The following AANAT variants were observed in gnomAD, a reference collection of about 807,000 sequenced individuals.
The protein encoded by AANAT is aralkylamine N-acetyltransferase.
Under a neutral mutation model 15.6 loss-of-function variants are expected in AANAT, and 11 were observed. The ratio of observed to expected loss-of-function variants is 0.71; its 90% CI spans 0.44 to 1.17. AANAT has a LOEUF of 1.17. AANAT is among the 50% of genes most tolerant of loss of function. The pLI is 0.00. For synonymous variants in AANAT, 139 were observed against 131.5 expected (o/e 1.06, Z -0.39); for missense variants, 286 against 296.3 (o/e 0.97, Z 0.26).
upstream of AANAT, among the ~76,000 whole-genome samples, chr17:76,465,353 T>TA (rs1360921106): frequency 1.3e-5 from 2 of 151,218 alleles, no homozygotes; most frequent in African/African-American, 4.9e-5. Flanking sequence ...GATTTTTTTT[T>TA]TTTTTTTTGA....
intron 1 of AANAT, 175 bp from the exon 2 acceptor site, chr17:76,468,497 A>G: frequency 1.6e-6 from 1 of 615,418 alleles, no homozygotes; most frequent in Non-Finnish European, 2.8e-6. Flanking sequence ...AGACAGTGCC[A>G]ATGTTTGCAA....
rs769698164 is a variant in AANAT, at chr17:76,456,825, TAG to T, written c.-575-2417_-575-2416del. 2.0e-5 allele frequency among the ~76,000 whole-genome samples: 3 copies of T among 152,342 alleles called. No individual in the cohort carries two copies. In the South Asian group the frequency reaches 6.2e-4, roughly 32 times the overall value. On this transcript the variant is annotated intron_variant, in intron 1 of 6. Transcript: ENST00000250615. ...TTGTCTGTTATCACAATCTTGGATA[TAG>T]AGAGTTTTTAACCTCATTTTACCAA...
At chr17:76,456,730 G>C (rs1456782474) in intron 1 of AANAT, among the ~76,000 whole-genome samples, 1 of 152,170 alleles carries the variant, frequency 6.6e-6, no homozygotes, top group Non-Finnish European at 1.5e-5. Flanking sequence ...CTTGCCCCCT[G>C]ATAACATAGC....
chr17:76,463,530 A>T (rs2073409103), upstream of AANAT, among the ~76,000 whole-genome samples: 1 of 148,278 alleles, frequency 6.7e-6, no homozygotes, highest in Non-Finnish European at 1.5e-5. Context: ...CTGCTATTGA[A>T]CTCCTGACCT....
chr17:76,455,466 A>C (rs962207600), intron 1 of AANAT, among the ~76,000 whole-genome samples: 1 of 152,104 alleles, frequency 6.6e-6, no homozygotes, highest in Non-Finnish European at 1.5e-5. Flanking sequence ...AAAAAAACTA[A>C]CTCTAATTTA....
intron 2 of AANAT, 59 bp downstream of exon 2, chr17:76,468,968 G>A (rs915744738): frequency 2.6e-5 from 40 of 1,560,832 alleles, no homozygotes; most frequent in Non-Finnish European, 3.3e-5. Flanking sequence ...TATCCTGTGG[G>A]GAGGAGACCC....
rs1171554105 is a variant in AANAT at position 76,460,129 on chromosome 17, AATT to A, written c.-456+764_-456+766del. Among the ~76,000 whole-genome samples the A allele has an allele frequency of 8.6e-3, 713 of 82,898 alleles. 46 individuals carry two copies. The highest frequency in any genetic ancestry group is 0.023 in the Middle Eastern group (3 of 130). The allele number at this position is 82,898 out of a possible 152,430, so 54.4% of individuals were successfully genotyped here. ...CCAGCCTCAGTCACCTACTTCAGGA[AATT>A]TTTTTTTTTTTTTTTTTTTTTTTTT... On this transcript the variant is annotated intron_variant, in intron 2 of 6. Transcript: ENST00000250615.
Position 76,469,358 on chromosome 17 carries a change from G to C in AANAT, c.318+31G>C, listed in dbSNP as rs2073486755. 5.0e-6 allele frequency: 8 copies of C among 1,612,262 alleles called. No individual in the cohort carries two copies. The highest frequency in any genetic ancestry group is 1.1e-5 in the South Asian group (1 of 91,026). On this transcript the variant is annotated intron_variant, in intron 3 of 3. Coordinates refer to ENST00000392492, the MANE Select transcript of AANAT (RefSeq NM_001088.3). This position sits in a 1 kb window ranked among gnomAD's most constrained non-coding sequence, Gnocchi z 5.2. ...GACAGGGCTGCGACGCCCAGCTCCAGGGAGGCCTCTGAAGACAGAGGTCAG... is the reference window on the plus strand; with the variant it reads ...GACAGGGCTGCGACGCCCAGCTCCACGGAGGCCTCTGAAGACAGAGGTCAG...
upstream of AANAT, among the ~76,000 whole-genome samples, chr17:76,462,797 C>A (rs570098646): frequency 3.7e-4 from 56 of 152,268 alleles, no homozygotes; most frequent in Middle Eastern, 3.4e-3. Context: ...ACCATCGAAA[C>A]CACCAAAAAA....
chr17:76,465,844 T>TA (rs879737352), upstream of AANAT: 9 of 307,982 alleles, frequency 2.9e-5, no homozygotes, highest in South Asian at 1.1e-4. Flanking sequence ...GCCTCATCTT[T>TA]AAAAAAAATT....
chr17:76,466,270 C>T (rs906079996), upstream of AANAT: 1 of 1,501,166 alleles, frequency 6.7e-7, no homozygotes, highest in South Asian at 1.3e-5. Flanking sequence ...CATGACCACC[C>T]CACCAACCAA....
At chr17:76,468,967 G>A in intron 2 of AANAT, 58 bp downstream of exon 2, 1 of 1,566,104 alleles carries the variant, frequency 6.4e-7, no homozygotes, top group Non-Finnish European at 8.7e-7. Flanking sequence ...TTATCCTGTG[G>A]GGAGGAGACC....
Position 76,469,688 on chromosome 17 carries a change from TG to T in AANAT, c.347del (p.Gly116AlafsTer3). 3 of 1,520,974 alleles carry T rather than the reference TG, an allele frequency of 2.0e-6. No homozygotes were observed. The allele number at this position is 1,520,974 out of a possible 1,614,324, so 94.2% of individuals were successfully genotyped here. On this transcript the variant is annotated frameshift_variant, in exon 4 of 4. Transcript: ENST00000392492. LOFTEE classifies it high-confidence loss of function. The surrounding 1 kb of genome is among the most constrained non-coding windows in gnomAD (Gnocchi z 5.2). ...MQESLTLHRS[G>X]GHIAHLHVLA... is the part of the protein sequence containing the mutation. ...AGGAGTCACTGACGCTGCACAGGTC[TG>T]GGGGCCACATAGCCCACCTGCATGT...
At chr17:76,462,049 T>C (rs1214457564) in intron 2 of AANAT, among the ~76,000 whole-genome samples, 1 of 152,182 alleles carries the variant, frequency 6.6e-6, no homozygotes, top group Non-Finnish European at 1.5e-5. Flanking sequence ...AGACATGTAC[T>C]ACCCCCTTCC....
chr17:76,462,859 G>A (rs1291304891), upstream of AANAT, among the ~76,000 whole-genome samples: 7 of 152,182 alleles, frequency 4.6e-5, no homozygotes, highest in Non-Finnish European at 8.8e-5. Context: ...CCTGCACGCC[G>A]GGCCTCTCAA....
chr17:76,467,062 G>C (rs1191674776), upstream of AANAT, among the ~76,000 whole-genome samples: 1 of 152,114 alleles, frequency 6.6e-6, no homozygotes, highest in Non-Finnish European at 1.5e-5. Context: ...AGCCAACAGG[G>C]AGAGGGGCCT....
At chr17:76,460,683 G>T (rs1470845029) in intron 2 of AANAT, among the ~76,000 whole-genome samples, 1 of 152,142 alleles carries the variant, frequency 6.6e-6, no homozygotes, top group Non-Finnish European at 1.5e-5. Flanking sequence ...GGGCAGTTTG[G>T]CTCCATTACT....
At chr17:76,453,445 C>A (rs1216474111) in exon 1 of AANAT, 2 of 245,996 alleles carry the variant, frequency 8.1e-6, no homozygotes, top group Non-Finnish European at 1.5e-5. Flanking sequence ...GAGTGGCCAC[C>A]GAGGAAGAGG....
upstream of AANAT, chr17:76,465,913 A>G: frequency 2.1e-6 from 1 of 469,166 alleles, no homozygotes; most frequent in Non-Finnish European, 3.9e-6. Context: ...GCTGGAGTGC[A>G]GTGGCGAGTC....
Sources: allele counts gnomAD v4.1 joint callset (sites outside exome capture counted in the v4.1 genomes callset), GRCh38; gene constraint gnomAD v4.1.1; non-coding constraint Gnocchi (gnomAD v3.1); transcripts MANE v1.5; gene names NCBI Gene and HGNC (gene_info 2026-07-23, HGNC 2026-07-21).